KLF6: variants seen among roughly 807,000 people sequenced by gnomAD.
The protein encoded by KLF6 is KLF transcription factor 6, also known as Krueppel-like factor 6.
For synonymous variants in KLF6, 152 were observed against 147.9 expected (o/e 1.03, Z -0.20); for missense variants, 233 against 359.8 (o/e 0.65, Z 2.85).
rs750969473 is a variant in KLF6 at position 3,779,510 on chromosome 10, T to A, written c.*29A>T. The stretch of plus-strand genomic sequence containing the variant: ...GCCGGCTCTCAGCCTGGAAGCCTTT[T>A]AGCCTACAGGATCCACCTCTCTGCT... On this transcript the variant is annotated 3_prime_UTR_variant, in exon 4 of 4. Transcript: ENST00000497571. The A allele has an allele frequency of 1.3e-6, 2 of 1,598,078 alleles. No individual in the cohort carries two copies. The highest frequency in any genetic ancestry group is 1.7e-5 in the Admixed American group (1 of 60,020).
In KLF6 at chr10:3,781,448, T is replaced by C. The variant is rs747315305; in HGVS notation, c.676+193A>G. 3 of 1,530,714 alleles carry C rather than the reference T, an allele frequency of 2.0e-6. No individual in the cohort carries two copies. The South Asian group carries it at 3.7e-5, about 19-fold the overall frequency. The allele number at this position is 1,530,714 out of a possible 1,614,324, so 94.8% of individuals were successfully genotyped here. A position where few individuals can be genotyped will look rare whatever the true frequency, so the allele number is the denominator to read the frequency against. ...GAAAATTGTTACACATTTATCCAAC[T>C]CAAAAGTCCAGTCTTTAGGATTCTA... is the stretch of plus-strand genomic sequence containing the variant. On this transcript the variant is annotated intron_variant, in intron 2 of 3. Coordinates refer to ENST00000497571, the MANE Select transcript of KLF6 (RefSeq NM_001300.6). The surrounding 1 kb of genome is among the most constrained non-coding windows in gnomAD (Gnocchi z 5.8).
At position 3,780,298 on chromosome 10, in the gene KLF6, C is replaced by A; in HGVS notation, c.677-69G>T. 1 of 1,592,268 alleles carries A rather than the reference C, an allele frequency of 6.3e-7. No individual in the cohort carries two copies. The highest frequency in any genetic ancestry group is 8.6e-7 in the Non-Finnish European group (1 of 1,168,584). On this transcript the variant is annotated intron_variant, in intron 2 of 3. Transcript: ENST00000497571. The surrounding 1 kb of genome is among the most constrained non-coding windows in gnomAD (Gnocchi z 4.6). ...CCGCAGACGGAAAGGGGAAATTCAACAACACACACAGTGGTGGGATGCAAG... is the reference window on the plus strand; with the variant it reads ...CCGCAGACGGAAAGGGGAAATTCAAAAACACACACAGTGGTGGGATGCAAG...
rs1240090116 is a variant in KLF6, at chr10:3,777,598, C to T, written c.*1941G>A. 5.9e-6 allele frequency: 3 copies of T among 507,924 alleles called. No homozygotes were observed. The highest frequency in any genetic ancestry group is 1.5e-5 in the South Asian group (1 of 64,922). 31.5% of individuals were successfully genotyped at this position (507,924 alleles called of 1,614,324 possible). A position where few individuals can be genotyped will look rare whatever the true frequency, so the allele number is the denominator to read the frequency against. ...TCAAGCAAGAAAGTCCTCCGCACAT[C>T]GTTAAATTAAAGATAAAGCCTCTAT... On this transcript the variant is annotated 3_prime_UTR_variant, in exon 4 of 4. Transcript: ENST00000497571.
At position 3,778,882 on chromosome 10, in the gene KLF6, A is replaced by G. The variant is rs907759066; in HGVS notation, c.*657T>C. On this transcript the variant is annotated 3_prime_UTR_variant, in exon 4 of 4. Coordinates refer to ENST00000497571, the MANE Select transcript of KLF6 (RefSeq NM_001300.6). ...TAGCGTGTAAAACAAGCTACTTGAC[A>G]CATTGCACATTTAATAGCTGCACCA... The G allele has an allele frequency of 2.4e-5, 13 of 534,318 alleles. No individual in the cohort carries two copies. The highest frequency in any genetic ancestry group is 4.3e-5 in the Non-Finnish European group (12 of 276,424). 33.1% of individuals were successfully genotyped at this position (534,318 alleles called of 1,614,324 possible).
chr10:3,777,593 C>T lies in KLF6; in HGVS notation c.*1946G>A, dbSNP rs1832420053. ...CAGATTCAAGCAAGAAAGTCCTCCG[C>T]ACATCGTTAAATTAAAGATAAAGCC... On this transcript the variant is annotated 3_prime_UTR_variant, in exon 4 of 4. Transcript: ENST00000497571. 1 of 510,782 alleles carries T rather than the reference C, an allele frequency of 2.0e-6. No homozygotes were observed. Among genetic ancestry groups the T allele is most frequent in the African/African-American group, 1.9e-5 (1 of 52,400 alleles). The allele number at this position is 510,782 out of a possible 1,614,324, so 31.6% of individuals were successfully genotyped here.
rs893952756 is a variant in KLF6 at position 3,781,608 on chromosome 10, C to A, written c.676+33G>T. On this transcript the variant is annotated intron_variant, in intron 2 of 3. Transcript: ENST00000497571. The surrounding 1 kb of genome is among the most constrained non-coding windows in gnomAD (Gnocchi z 5.8). ...GGTGCAATGCAGTGGCGCCCACCAG[C>A]GGCCGCCCTCCGGGGCCCGCGTGGG... 6.2e-7 allele frequency: 1 copy of A among 1,607,220 alleles called. No homozygotes were observed.
chr10:3,778,698 C>T lies in KLF6; in HGVS notation c.*841G>A, dbSNP rs1404706357. On this transcript the variant is annotated 3_prime_UTR_variant, in exon 4 of 4. Transcript: ENST00000497571. ...TTAGACAGATTGGATCTTAGCTGCT[C>T]ATTAACTGGAATCAGTATTGCAGTC... 1 of 528,208 alleles carries T rather than the reference C, an allele frequency of 1.9e-6. No individual in the cohort carries two copies. Among genetic ancestry groups the T allele is most frequent in the Non-Finnish European group, 3.7e-6 (1 of 272,648 alleles). 32.7% of individuals were successfully genotyped at this position (528,208 alleles called of 1,614,324 possible). A position where few individuals can be genotyped will look rare whatever the true frequency, so the allele number is the denominator to read the frequency against.
chr10:3,779,351 C>T lies in KLF6; in HGVS notation c.*188G>A, dbSNP rs374579672. 3.5e-5 allele frequency: 24 copies of T among 685,774 alleles called. No homozygotes were observed. The African/African-American group carries it at 3.9e-4, about 11-fold the overall frequency. 42.5% of individuals were successfully genotyped at this position (685,774 alleles called of 1,614,324 possible). On this transcript the variant is annotated 3_prime_UTR_variant, in exon 4 of 4. Coordinates refer to ENST00000497571, the MANE Select transcript of KLF6 (RefSeq NM_001300.6). ...AGTCCAGGGTCACCCACATACCATG[C>T]ACCACGGGTGCTATGCCGCTTCTTA...
Position 3,779,093 on chromosome 10 carries a change from A to C in KLF6, c.*446T>G, listed in dbSNP as rs1321300687. ...AAGGTGCAGACACCCCCTCCCCCCA[A>C]GGAAATGATTGGTGGTCATCTCATC... On this transcript the variant is annotated 3_prime_UTR_variant, in exon 4 of 4. Coordinates refer to ENST00000497571, the MANE Select transcript of KLF6 (RefSeq NM_001300.6). 1.9e-6 allele frequency: 1 copy of C among 536,034 alleles called. No individual in the cohort carries two copies. The highest frequency in any genetic ancestry group is 3.6e-6 in the Non-Finnish European group (1 of 277,462). 33.2% of individuals were successfully genotyped at this position (536,034 alleles called of 1,614,324 possible).
At position 3,776,225 on chromosome 10, in the gene KLF6, G is replaced by C. The variant is rs1832369952; in HGVS notation, c.*3314C>G. The C allele has an allele frequency of 3.8e-6, 2 of 532,502 alleles. No homozygotes were observed. Among genetic ancestry groups the C allele is most frequent in the Non-Finnish European group, 3.6e-6 (1 of 275,310 alleles). 33.0% of individuals were successfully genotyped at this position (532,502 alleles called of 1,614,324 possible). A position where few individuals can be genotyped will look rare whatever the true frequency, so the allele number is the denominator to read the frequency against. On this transcript the variant is annotated 3_prime_UTR_variant, in exon 4 of 4. Transcript: ENST00000497571. ...CAGGGAAACACTCAAGTTTGTCGTTGTGCAGGTGCCTCTGCAATGCATTCC... is the reference window on the plus strand; with the variant it reads ...CAGGGAAACACTCAAGTTTGTCGTTCTGCAGGTGCCTCTGCAATGCATTCC...
chr10:3,785,055 C>A lies in KLF6; in HGVS notation c.-41G>T. On this transcript the variant is annotated 5_prime_UTR_variant, in exon 1 of 4. Coordinates refer to ENST00000497571, the MANE Select transcript of KLF6 (RefSeq NM_001300.6). ...ACGGAGCCCGCGGTCGCGAGGGCGG[C>A]GAGGCGCGCGGTGGGAGCCGGAGCC... The A allele has an allele frequency of 6.2e-7, 1 of 1,608,300 alleles. No individual in the cohort carries two copies. Among genetic ancestry groups the A allele is most frequent in the South Asian group, 1.1e-5 (1 of 90,784 alleles).
chr10:3,782,638 A>T lies in KLF6; in HGVS notation c.103-424T>A, dbSNP rs1344882845. The stretch of plus-strand genomic sequence containing the variant: ...AACCATGTGTTTTAAGGAAAGCCCC[A>T]GCCATCCACCCTTCACACTCCACAG... On this transcript the variant is annotated intron_variant, in intron 1 of 3. Coordinates refer to ENST00000497571, the MANE Select transcript of KLF6 (RefSeq NM_001300.6). The surrounding 1 kb of genome is among the most constrained non-coding windows in gnomAD (Gnocchi z 4.3). Among the ~76,000 whole-genome samples, 1 of 152,242 alleles carries T rather than the reference A, an allele frequency of 6.6e-6. No individual in the cohort carries two copies. The highest frequency in any genetic ancestry group is 1.5e-5 in the Non-Finnish European group (1 of 68,042).
chr10:3,784,982 C>T lies in KLF6; in HGVS notation c.33G>A (p.Gln11=), dbSNP rs755776814. MDVLPMCSIF[Q]ELQIVHETGY... is the part of the protein sequence containing the mutation. ...CGGTCTCGTGCACGATCTGGAGCTC[C>T]TGGAAGATGCTGCACATGGGGAGCA... Residue 11 remains glutamine (Q), a synonymous_variant, in exon 1 of 4, where the codon CAG becomes CAA. Coordinates refer to ENST00000497571, the MANE Select transcript of KLF6 (RefSeq NM_001300.6). The T allele has an allele frequency of 2.5e-6, 4 of 1,608,438 alleles. No individual in the cohort carries two copies. Among genetic ancestry groups the T allele is most frequent in the East Asian group, 2.2e-5 (1 of 44,668 alleles).
Position 3,781,767 on chromosome 10 carries a change from C to T in KLF6, c.550G>A (p.Gly184Ser), listed in dbSNP as rs751230861. Reference protein sequence around the residue: ...KVRSGTSGKPGDKGNGDASPD... With the variant: ...KVRSGTSGKPSDKGNGDASPD... ...GAGGCATCGCCATTTCCCTTGTCAC[C>T]TGGCTTCCCCGAAGTCCCGCTGCGC... Residue 184 changes from glycine to serine, a missense_variant, in exon 2 of 4, where the codon GGT becomes AGT. Gly to Ser is a moderately conservative substitution (Grantham distance 56, BLOSUM62 0). Coordinates refer to ENST00000497571, the MANE Select transcript of KLF6 (RefSeq NM_001300.6). This position sits in a 1 kb window ranked among gnomAD's most constrained non-coding sequence, Gnocchi z 5.8. 1.2e-6 allele frequency: 2 copies of T among 1,614,246 alleles called. No individual in the cohort carries two copies. Among genetic ancestry groups the T allele is most frequent in the Non-Finnish European group, 1.7e-6 (2 of 1,180,048 alleles).
At position 3,778,258 on chromosome 10, in the gene KLF6, G is replaced by A. The variant is rs1588340466; in HGVS notation, c.*1281C>T. On this transcript the variant is annotated 3_prime_UTR_variant, in exon 4 of 4. Coordinates refer to ENST00000497571, the MANE Select transcript of KLF6 (RefSeq NM_001300.6). ...GCATGCATCGCCCACACCCCTGTATGAGACCCCCACAGAAGGGATCGCTTG... is the reference window on the plus strand; with the variant it reads ...GCATGCATCGCCCACACCCCTGTATAAGACCCCCACAGAAGGGATCGCTTG... The A allele has an allele frequency of 1.9e-6, 1 of 527,416 alleles. No homozygotes were observed. The highest frequency in any genetic ancestry group is 3.7e-6 in the Non-Finnish European group (1 of 272,044). The allele number at this position is 527,416 out of a possible 1,614,324, so 32.7% of individuals were successfully genotyped here.
chr10:3,784,583 C>G lies in KLF6; in HGVS notation c.102+330G>C, dbSNP rs540682654. On this transcript the variant is annotated intron_variant, in intron 1 of 3. Transcript: ENST00000497571. ...AAAAACAAAATCCGTTAAAAAAAAA[C>G]AACAAAAAACAAACAAACAAAAAAA... 5.3e-5 allele frequency among the ~76,000 whole-genome samples: 8 copies of G among 150,394 alleles called. No individual in the cohort carries two copies. The South Asian group carries it at 1.7e-3, about 32-fold the overall frequency.
In KLF6 at chr10:3,776,601, C is replaced by G. The variant is rs1206679667; in HGVS notation, c.*2938G>C. ...TATTCCAATAAAAAATACATTCATA[C>G]AGAAATATAACAATCTTGCAAAAAA... On this transcript the variant is annotated 3_prime_UTR_variant, in exon 4 of 4. Coordinates refer to ENST00000497571, the MANE Select transcript of KLF6 (RefSeq NM_001300.6). The G allele has an allele frequency of 4.0e-6, 2 of 503,566 alleles. No individual in the cohort carries two copies. The highest frequency in any genetic ancestry group is 2.0e-5 in the African/African-American group (1 of 50,764). The allele number at this position is 503,566 out of a possible 1,614,324, so 31.2% of individuals were successfully genotyped here.
At chr10:3,784,445 G>A (rs773411947) in intron 1 of KLF6, among the ~76,000 whole-genome samples, 1 of 152,056 alleles carries the variant, frequency 6.6e-6, no homozygotes, top group Non-Finnish European at 1.5e-5. Context: ...AAACACATTG[G>A]AAATGGTCTA....
Position 3,782,303 on chromosome 10 carries a change from A to G in KLF6, c.103-89T>C. 1 of 1,070,882 alleles carries G rather than the reference A, an allele frequency of 9.3e-7. No homozygotes were observed. Among genetic ancestry groups the G allele is most frequent in the Non-Finnish European group, 1.4e-6 (1 of 710,424 alleles). The allele number at this position is 1,070,882 out of a possible 1,614,324, so 66.3% of individuals were successfully genotyped here. The stretch of plus-strand genomic sequence containing the variant: ...AATTTCCAAAAACATGCAAGAATGA[A>G]GGACAGATAACATTGCTGCCCGGTC... On this transcript the variant is annotated intron_variant, in intron 1 of 3. Coordinates refer to ENST00000497571, the MANE Select transcript of KLF6 (RefSeq NM_001300.6). This position sits in a 1 kb window ranked among gnomAD's most constrained non-coding sequence, Gnocchi z 4.3.
Sources: allele counts gnomAD v4.1 joint callset (sites outside exome capture counted in the v4.1 genomes callset), GRCh38; gene constraint gnomAD v4.1.1; non-coding constraint Gnocchi (gnomAD v3.1); transcripts MANE v1.5; gene names NCBI Gene and HGNC (gene_info 2026-07-23, HGNC 2026-07-21).